PRKDC: variants seen among roughly 807,000 people sequenced by gnomAD.
PRKDC encodes the protein protein kinase, DNA-activated, catalytic subunit.
PRKDC carries 82 observed loss-of-function variants against 486.9 expected under a neutral mutation model. That is an observed-to-expected ratio of 0.17 (90% CI 0.14 to 0.20). The LOEUF is 0.20. Ranked by LOEUF, PRKDC falls within the 10% of genes least tolerant of loss-of-function variation. The pLI is 1.00. For missense variants in PRKDC, 4,504 were observed against 5,038.2 expected (o/e 0.89, Z 3.21); for synonymous variants, 1,895 against 1,837.0 (o/e 1.03, Z -0.81).
intron 37 of PRKDC, 102 bp from the exon 38 acceptor site, chr8:47,881,622 T>TAA (rs1324055013): frequency 1.4e-6 from 1 of 691,050 alleles, no homozygotes; most frequent in African/African-American, 1.8e-5. Context: ...AATTGTTAAT[T>TAA]TAATTTTGGG....
At chr8:47,842,854 G>A (rs1589735987) in intron 54 of PRKDC, among the ~76,000 whole-genome samples, 2 of 152,140 alleles carry the variant, frequency 1.3e-5, no homozygotes, top group East Asian at 3.9e-4. Flanking sequence ...AGAGTCAAAA[G>A]GCAACATAGC....
intron 20 of PRKDC, 74 bp from the exon 21 acceptor site, chr8:47,927,427 T>C (rs551685504): frequency 6.8e-7 from 1 of 1,464,280 alleles, no homozygotes; most frequent in East Asian, 2.4e-5. Flanking sequence ...CACCAAGTAA[T>C]TGTGATTTCT....
chr8:47,890,200 C>A (rs759892569), intron 32 of PRKDC, 57 bp downstream of exon 32: 4 of 1,224,938 alleles, frequency 3.3e-6, no homozygotes, highest in Non-Finnish European at 4.5e-6. Flanking sequence ...CTAACAGAAA[C>A]CTTTGAAGTA....
intron 39 of PRKDC, 69 bp downstream of exon 39, chr8:47,879,422 T>C: frequency 7.2e-7 from 1 of 1,387,250 alleles, no homozygotes; most frequent in Non-Finnish European, 9.7e-7. Flanking sequence ...CTCACCTCTT[T>C]TCATCAAGAT....
chr8:47,807,806 T>TC (rs2154498509), intron 68 of PRKDC, among the ~76,000 whole-genome samples: 1 of 150,074 alleles, frequency 6.7e-6, no homozygotes, highest in African/African-American at 2.5e-5. Flanking sequence ...ACCTCCACCT[T>TC]CTGGGTTCAA....
chr8:47,835,527 G>T (rs905994336), intron 58 of PRKDC, among the ~76,000 whole-genome samples: 5 of 136,352 alleles, frequency 3.7e-5, no homozygotes, highest in African/African-American at 1.4e-4. Flanking sequence ...TGAGGCAGAG[G>T]AATCGCTTGA....
In PRKDC at chr8:47,779,912, C is replaced by CTT. The variant is rs925534980; in HGVS notation, c.11490-821_11490-820dup. ...CTCTTTTTCTTTTGTTTTGTTTTGTCTTTTTTTTTTTTTTTTTTTTGAGAC... is the reference window on the plus strand; with the variant it reads ...CTCTTTTTCTTTTGTTTTGTTTTGTCTTTTTTTTTTTTTTTTTTTTTTGAGAC... On this transcript the variant is annotated intron_variant, in intron 80 of 85. Transcript: ENST00000314191. 7.0e-4 allele frequency among the ~76,000 whole-genome samples: 75 copies of CTT among 107,046 alleles called. 2 individuals carry two copies. Among genetic ancestry groups the CTT allele is most frequent in the Non-Finnish European group, 1.1e-3 (58 of 51,936 alleles). 70.2% of individuals were successfully genotyped at this position (107,046 alleles called of 152,430 possible).
At chr8:47,863,640 T>C in intron 41 of PRKDC, 63 bp from the exon 42 acceptor site, 1 of 1,342,364 alleles carries the variant, frequency 7.4e-7, no homozygotes, top group South Asian at 1.3e-5. Flanking sequence ...TCTTATAGAA[T>C]ATATCAAATT....
chr8:47,799,334 C>A lies in PRKDC; in HGVS notation c.10173G>T (p.Ala3391=). 1 of 1,611,758 alleles carries A rather than the reference C, an allele frequency of 6.2e-7. No homozygotes were observed. The highest frequency in any genetic ancestry group is 1.1e-5 in the South Asian group (1 of 91,036). The change falls in exon 72 of 86, where the codon GCG becomes GCT. Residue 3391 remains alanine, a synonymous_variant. Coordinates refer to ENST00000314191, the MANE Select transcript of PRKDC (RefSeq NM_006904.7). ...AGGGAGGCTGGGCCTCCTCCTCAGC[C>A]GCCTGCACAGCCTCAGAGAGGTGCT... The part of the protein sequence containing the change: ...AFQHLSEAVQ[A]AEEEAQPPSW...
chr8:47,800,359 C>CA (rs576938378), intron 71 of PRKDC, among the ~76,000 whole-genome samples: 7 of 147,110 alleles, frequency 4.8e-5, no homozygotes, highest in Non-Finnish European at 8.9e-5. Context: ...ATCGCAAGGA[C>CA]AAAAAATCAA....
intron 69 of PRKDC, among the ~76,000 whole-genome samples, chr8:47,804,098 C>T (rs1023759177): frequency 6.6e-6 from 1 of 152,126 alleles, no homozygotes; most frequent in African/African-American, 2.4e-5. Context: ...CCATTGGCAA[C>T]AATAAATTCC....
intron 70 of PRKDC, among the ~76,000 whole-genome samples, chr8:47,802,568 C>T (rs1352911835): frequency 2.6e-5 from 4 of 150,950 alleles, no homozygotes; most frequent in Non-Finnish European, 5.9e-5. Context: ...CTGCAACCTC[C>T]GCCTCCCAGG....
rs192078611 is a variant in PRKDC, at chr8:47,918,650, G to A, written c.2420-267C>T. Among the ~76,000 whole-genome samples the A allele has an allele frequency of 4.0e-3, 604 of 152,290 alleles. 4 individuals carry two copies. Among genetic ancestry groups the A allele is most frequent in the South Asian group, 0.025 (119 of 4,826 alleles). ...CTCATGGAGCAGGAGTGGCTCCCAC[G>A]CATCACACTCGGGCCAAATCTGGGA... On this transcript the variant is annotated intron_variant, in intron 21 of 85. Coordinates refer to ENST00000314191, the MANE Select transcript of PRKDC (RefSeq NM_006904.7).
At chr8:47,884,860 G>A (rs541612671) in intron 36 of PRKDC, among the ~76,000 whole-genome samples, 1 of 151,594 alleles carries the variant, frequency 6.6e-6, no homozygotes, top group South Asian at 2.1e-4. Flanking sequence ...TGATCTCCAG[G>A]GAGAAAGGGG....
rs2088622695 is a variant in PRKDC, at chr8:47,859,464, C to A, written c.6207+147G>T. Reference sequence around the variant, plus strand: ...CAGAATAAAAGGCTAGGAATTAGATCTTGGAAAATTCTCCAAATTAACTCT... The same window carrying A: ...CAGAATAAAAGGCTAGGAATTAGATATTGGAAAATTCTCCAAATTAACTCT... On this transcript the variant is annotated intron_variant, in intron 46 of 85. Coordinates refer to ENST00000314191, the MANE Select transcript of PRKDC (RefSeq NM_006904.7). The A allele has an allele frequency of 4.1e-6, 4 of 966,278 alleles. No individual in the cohort carries two copies. The Admixed American group carries it at 9.9e-5, about 24-fold the overall frequency. 59.9% of individuals were successfully genotyped at this position (966,278 alleles called of 1,614,324 possible). A position where few individuals can be genotyped will look rare whatever the true frequency, so the allele number is the denominator to read the frequency against.
At chr8:47,832,034 G>A (rs2087893326) in intron 59 of PRKDC, 108 bp from the exon 60 acceptor site, 1 of 968,776 alleles carries the variant, frequency 1.0e-6, no homozygotes, top group South Asian at 1.5e-5. Context: ...AGGTGCCGCA[G>A]AGGCAGCGAC....
chr8:47,949,460 T>C (rs1230895754), intron 7 of PRKDC, among the ~76,000 whole-genome samples: 1 of 152,202 alleles, frequency 6.6e-6, no homozygotes, highest in African/African-American at 2.4e-5. Flanking sequence ...TCTAGAATAG[T>C]CCTTAACACA....
In PRKDC at chr8:47,887,580, T is replaced by C; in HGVS notation, c.4539A>G (p.Gly1513=). ...CAAAAGCAAAGGCTAACTCCAGAAGTCCGCTGGCCAGCTGCTTACAACTGA... is the reference window on the plus strand; with the variant it reads ...CAAAAGCAAAGGCTAACTCCAGAAGCCCGCTGGCCAGCTGCTTACAACTGA... ...LDLSCKQLAS[G]LLELAFAFGG... is the part of the protein sequence containing the mutation. Residue 1513 remains glycine (G), a synonymous_variant, in exon 35 of 86, where the codon GGA becomes GGG. Coordinates refer to ENST00000314191, the MANE Select transcript of PRKDC (RefSeq NM_006904.7). 6.3e-7 allele frequency: 1 copy of C among 1,593,420 alleles called. No individual in the cohort carries two copies. Among genetic ancestry groups the C allele is most frequent in the Non-Finnish European group, 8.5e-7 (1 of 1,169,824 alleles).
At chr8:47,944,595 G>A (rs2090500414) in intron 7 of PRKDC, among the ~76,000 whole-genome samples, 1 of 151,324 alleles carries the variant, frequency 6.6e-6, no homozygotes, top group Non-Finnish European at 1.5e-5. Flanking sequence ...TTAACTAAAA[G>A]GGAAGATAAA....
Sources: gnomAD v4.1 joint callset for allele counts (sites outside exome capture counted in the v4.1 genomes callset) on GRCh38, gnomAD v4.1.1 for gene constraint, MANE v1.5 for transcripts, NCBI Gene and HGNC (gene_info 2026-07-23, HGNC 2026-07-21) for gene names.